The following MCPH1 variants were observed in gnomAD, a reference collection of about 807,000 sequenced individuals.
MCPH1 encodes microcephalin.
In MCPH1, 104 loss-of-function variants were observed where a neutral mutation model predicts 84.5. That is an observed-to-expected ratio of 1.23 (90% CI 1.05 to 1.45). The LOEUF (loss-of-function observed/expected upper bound fraction) is 1.45. Among genes scored for constraint, MCPH1 ranks in the 40% most tolerant of loss-of-function variants. MCPH1 has a pLI of 0.00. For missense variants in MCPH1, 1,498 were observed against 1,005.7 expected (o/e 1.49, Z -6.62); for synonymous variants, 514 against 366.8 (o/e 1.40, Z -4.58).
chr8:6,458,912 G>T (rs1480080147), intron 9 of MCPH1, among the ~76,000 whole-genome samples: 1 of 152,170 alleles, frequency 6.6e-6, no homozygotes, highest in East Asian at 1.9e-4. Flanking sequence ...CTCCCAAAGT[G>T]CTGGAATTAC....
At chr8:6,625,683 G>C in intron 13 of MCPH1, 1 of 984,038 alleles carries the variant, frequency 1.0e-6, no homozygotes, top group Non-Finnish European at 1.2e-6. Context: ...TGTTGTCTTA[G>C]CTACGTGGGA....
chr8:6,535,730 T>A (rs1271899023), intron 12 of MCPH1, among the ~76,000 whole-genome samples: 1 of 152,084 alleles, frequency 6.6e-6, no homozygotes, highest in Non-Finnish European at 1.5e-5. Context: ...AAATGTGCAG[T>A]AGTAGATATT....
At chr8:6,502,977 C>T (rs140032908) in intron 12 of MCPH1, 3 of 1,156,338 alleles carry the variant, frequency 2.6e-6, no homozygotes, top group African/African-American at 1.5e-5. Flanking sequence ...ATGTGGGTCC[C>T]GTCAGCACCG....
chr8:6,623,688 CAAAAAAAAAAAAAAAAAAA>C (rs377522481), intron 13 of MCPH1, among the ~76,000 whole-genome samples: 1 of 92,420 alleles, frequency 1.1e-5, no homozygotes, highest in Admixed American at 1.4e-4. Flanking sequence ...AACCAACTTC[CAAAAAAAAAAAAAAAAAAA>C]AAAAAAAAAA....
At chr8:6,596,789 CT>C (rs1375347204) in intron 12 of MCPH1, among the ~76,000 whole-genome samples, 2 of 152,172 alleles carry the variant, frequency 1.3e-5, no homozygotes, top group Non-Finnish European at 2.9e-5. Flanking sequence ...CTCTTTTCTG[CT>C]GAAATTGATA....
In MCPH1 at chr8:6,438,990, T is replaced by G. The variant is rs1803081882; in HGVS notation, c.474T>G (p.Gly158=). ...CTATTCTCTTATTTGAATCTAATGG[T>G]TCATTAATATATACTCCCACAATTG... The part of the protein sequence containing the change: ...DVPILLFESN[G]SLIYTPTIEI... The change falls in exon 6 of 14, where the codon GGT becomes GGG. Residue 158 remains glycine (G), a synonymous_variant. Coordinates refer to ENST00000344683, the MANE Select transcript of MCPH1 (RefSeq NM_024596.5). 1 of 1,610,688 alleles carries G rather than the reference T, an allele frequency of 6.2e-7. No homozygotes were observed. The highest frequency in any genetic ancestry group is 8.5e-7 in the Non-Finnish European group (1 of 1,177,288).
intron 3 of MCPH1, among the ~76,000 whole-genome samples, chr8:6,423,941 C>T (rs1800655643): frequency 6.6e-6 from 1 of 152,098 alleles, no homozygotes; most frequent in African/African-American, 2.4e-5. Context: ...CTTGAATTTT[C>T]TTCAGCAGAG....
intron 9 of MCPH1, chr8:6,477,290 A>T (rs570387227): frequency 2.8e-6 from 1 of 353,268 alleles, no homozygotes; most frequent in African/African-American, 2.1e-5. Context: ...GTGCATGAAG[A>T]CGTTGACACA....
intron 4 of MCPH1, among the ~76,000 whole-genome samples, chr8:6,435,431 G>C (rs1028334525): frequency 1.3e-5 from 2 of 152,294 alleles, no homozygotes; most frequent in Admixed American, 1.3e-4. Flanking sequence ...TTCATAGGCA[G>C]AGAAAACAAA....
intron 2 of MCPH1, among the ~76,000 whole-genome samples, chr8:6,413,677 C>T (rs1448178689): frequency 6.6e-6 from 1 of 151,140 alleles, no homozygotes; most frequent in Non-Finnish European, 1.5e-5. Flanking sequence ...CTTATGTCAT[C>T]TTTTCTTAAT....
chr8:6,612,583 C>T (rs1830379664), intron 12 of MCPH1, among the ~76,000 whole-genome samples: 1 of 152,246 alleles, frequency 6.6e-6, no homozygotes, highest in Admixed American at 6.5e-5. Context: ...TTCCTGACCC[C>T]CACTGCGTCC....
chr8:6,637,557 C>G (rs1312516839), intron 13 of MCPH1, among the ~76,000 whole-genome samples: 1 of 152,184 alleles, frequency 6.6e-6, no homozygotes, highest in East Asian at 1.9e-4. Context: ...TAACAGACAA[C>G]AGCAAGAAGT....
intron 12 of MCPH1, among the ~76,000 whole-genome samples, chr8:6,569,474 G>C (rs1485776256): frequency 6.6e-6 from 1 of 152,178 alleles, no homozygotes; most frequent in African/African-American, 2.4e-5. Flanking sequence ...TGCGAGGAAG[G>C]ACAGTTCCAG....
At chr8:6,447,302 A>T in intron 8 of MCPH1, 1 of 985,310 alleles carries the variant, frequency 1.0e-6, no homozygotes, top group African/African-American at 1.7e-5. Flanking sequence ...AATGTCAGGG[A>T]TGCACACTCT....
chr8:6,579,640 C>T (rs1827392423), intron 12 of MCPH1, among the ~76,000 whole-genome samples: 1 of 151,926 alleles, frequency 6.6e-6, no homozygotes, highest in African/African-American at 2.4e-5. Context: ...TAAAATTAAC[C>T]CCTTAATCTT....
At chr8:6,625,638 T>TA in intron 13 of MCPH1, 1 of 985,368 alleles carries the variant, frequency 1.0e-6, no homozygotes, top group Non-Finnish European at 1.2e-6. Flanking sequence ...CTGAGCGTCT[T>TA]AGAGTAATTT....
intron 12 of MCPH1, chr8:6,502,994 C>G (rs1036670599): frequency 7.5e-7 from 1 of 1,333,448 alleles, no homozygotes; most frequent in African/African-American, 1.5e-5. Context: ...ACCGAGCACA[C>G]GCCCTCTGTG....
At chr8:6,481,443 T>C (rs1424580536) in intron 11 of MCPH1, among the ~76,000 whole-genome samples, 3 of 152,206 alleles carry the variant, frequency 2.0e-5, no homozygotes, top group African/African-American at 7.2e-5. Context: ...AAATGAACTG[T>C]TATTGGTTCT....
rs1803975174 is a variant in MCPH1, at chr8:6,444,504, A to C, written c.782A>C (p.Asp261Ala). 2 of 1,614,062 alleles carry C rather than the reference A, an allele frequency of 1.2e-6. No homozygotes were observed. Residue 261 changes from aspartate (D) to alanine (A), a missense_variant, in exon 8 of 14, where the codon GAT becomes GCT. Transcript: ENST00000344683. Reference sequence around the variant, plus strand: ...GGATCCATTAATGACATTAAAAGTGATGTGTGTATTTCTTCACTTGTATTG... The same window carrying C: ...GGATCCATTAATGACATTAAAAGTGCTGTGTGTATTTCTTCACTTGTATTG... ...LEGSINDIKS[D>A]VCISSLVLKA...
Sources: gnomAD v4.1 joint callset for allele counts (sites outside exome capture counted in the v4.1 genomes callset) on GRCh38, gnomAD v4.1.1 for gene constraint, MANE v1.5 for transcripts, NCBI Gene and HGNC (gene_info 2026-07-23, HGNC 2026-07-21) for gene names.